The following ARHGAP32 variants were observed in gnomAD, a reference collection of about 807,000 sequenced individuals.
ARHGAP32 encodes the protein rho GTPase-activating protein 32.
Under a neutral mutation model 186.5 loss-of-function variants are expected in ARHGAP32, and 51 were observed. The ratio of observed to expected loss-of-function variants is 0.27; its 90% CI spans 0.22 to 0.35. ARHGAP32 has a LOEUF of 0.35. ARHGAP32 is among the 10% of genes least tolerant of loss of function. ARHGAP32 has a pLI of 1.00. For synonymous variants in ARHGAP32, 950 were observed against 964.3 expected, an observed-to-expected ratio of 0.99 and a Z score of 0.27; for missense variants, 2,186 against 2,623.5, an observed-to-expected ratio of 0.83 and a Z score of 3.64.
chr11:129,269,830 A>G (rs1051504579), intron 1 of ARHGAP32, among the ~76,000 whole-genome samples: 8 of 152,370 alleles, frequency 5.3e-5, no homozygotes, highest in East Asian at 3.9e-4. Context: ...CCACACACCC[A>G]TAAGTATGGC....
chr11:129,160,241 G>A (rs929876195), intron 2 of ARHGAP32, among the ~76,000 whole-genome samples: 1 of 152,176 alleles, frequency 6.6e-6, no homozygotes, highest in African/African-American at 2.4e-5. Context: ...AGTACTAGAT[G>A]TTCTGGCCAG....
At chr11:129,164,220 A>C in intron 2 of ARHGAP32, 99 bp downstream of exon 2, 1 of 723,212 alleles carries the variant, frequency 1.4e-6, no homozygotes, top group South Asian at 2.1e-5. Context: ...ACAAAGCAAC[A>C]AAATTTTTTG....
intron 6 of ARHGAP32, among the ~76,000 whole-genome samples, chr11:129,086,344 A>G (rs939342665): frequency 2.0e-5 from 3 of 152,228 alleles, no homozygotes; most frequent in Non-Finnish European, 2.9e-5. Flanking sequence ...AGAAGATAAT[A>G]AAGGAGAAAA....
intron 2 of ARHGAP32, among the ~76,000 whole-genome samples, chr11:129,140,373 T>G (rs1220023470): frequency 1.3e-5 from 2 of 152,214 alleles, no homozygotes; most frequent in African/African-American, 4.8e-5. Flanking sequence ...CTGCCCAGAC[T>G]TCTAACATGC....
At chr11:129,004,200 T>C (rs1016802591) in intron 11 of ARHGAP32, among the ~76,000 whole-genome samples, 10 of 151,864 alleles carry the variant, frequency 6.6e-5, no homozygotes, top group African/African-American at 2.4e-4. Context: ...TTTCTAATTT[T>C]AGTCTGTTGT....
At chr11:129,132,449 G>C (rs1398239845) in intron 2 of ARHGAP32, among the ~76,000 whole-genome samples, 1 of 151,476 alleles carries the variant, frequency 6.6e-6, no homozygotes, top group Non-Finnish European at 1.5e-5. Flanking sequence ...CTGCACTCCA[G>C]CCTGAGCAAC....
intron 11 of ARHGAP32, among the ~76,000 whole-genome samples, chr11:129,029,075 T>G (rs1192092220): frequency 6.6e-6 from 1 of 152,160 alleles, no homozygotes; most frequent in Non-Finnish European, 1.5e-5. Flanking sequence ...TAAAGTGGCA[T>G]TAGGAAGGGA....
At chr11:129,194,584 G>C (rs1944365912), upstream of ARHGAP32, among the ~76,000 whole-genome samples, 1 of 152,208 alleles carries the variant, frequency 6.6e-6, no homozygotes, top group East Asian at 1.9e-4. Context: ...ATCTATGGAA[G>C]AAGAGGATCA....
intron 1 of ARHGAP32, among the ~76,000 whole-genome samples, chr11:129,231,308 A>T (rs1273508264): frequency 6.6e-6 from 1 of 152,180 alleles, no homozygotes; most frequent in Non-Finnish European, 1.5e-5. Flanking sequence ...TTCTGATTAC[A>T]GATGAAATCT....
At chr11:129,150,692 A>G (rs1943268981) in intron 2 of ARHGAP32, among the ~76,000 whole-genome samples, 1 of 152,180 alleles carries the variant, frequency 6.6e-6, no homozygotes, top group South Asian at 2.1e-4. Context: ...CTACTAAGCC[A>G]GCACTACAAG....
intron 1 of ARHGAP32, among the ~76,000 whole-genome samples, chr11:129,245,883 A>G (rs1945089573): frequency 6.6e-6 from 1 of 152,102 alleles, no homozygotes; most frequent in African/African-American, 2.4e-5. Context: ...CAATATCTTA[A>G]GAGCTACTAT....
At chr11:129,230,085 T>C (rs373481985) in intron 1 of ARHGAP32, among the ~76,000 whole-genome samples, 22 of 152,204 alleles carry the variant, frequency 1.4e-4, no homozygotes, top group Non-Finnish European at 2.2e-4. Flanking sequence ...AAAGTGCTGA[T>C]TACAAGCACG....
chr11:129,112,720 A>G (rs1166913041), intron 5 of ARHGAP32, among the ~76,000 whole-genome samples: 1 of 152,188 alleles, frequency 6.6e-6, no homozygotes, highest in Non-Finnish European at 1.5e-5. Context: ...TGCTGGCATT[A>G]AATTCTCCAG....
At chr11:129,060,391 C>T (rs866439203) in intron 10 of ARHGAP32, among the ~76,000 whole-genome samples, 76 of 143,490 alleles carry the variant, frequency 5.3e-4, no homozygotes, top group Admixed American at 1.7e-3. Context: ...ATAAGATAGA[C>T]AGACAGACAG....
chr11:129,083,202 T>A (rs949759409), intron 6 of ARHGAP32, among the ~76,000 whole-genome samples: 1 of 152,176 alleles, frequency 6.6e-6, no homozygotes, highest in East Asian at 1.9e-4. Context: ...TAAAAGTAGA[T>A]CTACCTTTTG....
At chr11:129,028,368 G>C (rs995345777) in intron 11 of ARHGAP32, among the ~76,000 whole-genome samples, 3 of 152,170 alleles carry the variant, frequency 2.0e-5, no homozygotes, top group South Asian at 2.1e-4. Context: ...AGAGAGTAAG[G>C]AAACACGTTA....
Position 129,106,067 on chromosome 11 carries a change from G to T in ARHGAP32, c.445-12360C>A, listed in dbSNP as rs544695945. Among the ~76,000 whole-genome samples the T allele has an allele frequency of 2.7e-4, 41 of 152,300 alleles. 2 individuals carry two copies. The South Asian group carries it at 7.5e-3, about 28-fold the overall frequency. ...GAAAAGGAATTGCTTATATACTGTTGTTGGGAATGTAAATTACTTCAGCCA... is the reference window on the plus strand; with the variant it reads ...GAAAAGGAATTGCTTATATACTGTTTTTGGGAATGTAAATTACTTCAGCCA... On this transcript the variant is annotated intron_variant, in intron 5 of 22. Transcript: ENST00000682385.
intron 11 of ARHGAP32, among the ~76,000 whole-genome samples, chr11:129,027,668 C>T (rs893536733): frequency 2.6e-5 from 4 of 152,156 alleles, no homozygotes; most frequent in African/African-American, 7.2e-5. Context: ...GAGCCATTCC[C>T]GGACCACCCT....
Position 128,966,466 on chromosome 11 carries a change from T to C in ARHGAP32, c.*2441A>G, listed in dbSNP as rs1016177270. ...TCCAAAGTTAAGGCTGTTGCTAGCA[T>C]GCATTAAATGAAGCAACTCTAGATT... On this transcript the variant is annotated 3_prime_UTR_variant, in exon 23 of 23. Coordinates refer to ENST00000682385, the MANE Select transcript of ARHGAP32 (RefSeq NM_001378024.1). 2 of 152,202 alleles carry C rather than the reference T, an allele frequency of 1.3e-5. No individual in the cohort carries two copies. The highest frequency in any genetic ancestry group is 4.8e-5 in the African/African-American group (2 of 41,448). 9.4% of individuals were successfully genotyped at this position (152,202 alleles called of 1,614,324 possible). A position where few individuals can be genotyped will look rare whatever the true frequency, so the allele number is the denominator to read the frequency against.
Sources: allele counts gnomAD v4.1 joint callset (sites outside exome capture counted in the v4.1 genomes callset), GRCh38; gene constraint gnomAD v4.1.1; transcripts MANE v1.5; gene names NCBI Gene and HGNC (gene_info 2026-07-23, HGNC 2026-07-21).